The following MYO1D variants were observed in gnomAD, a reference collection of about 807,000 sequenced individuals.
The protein encoded by MYO1D is myosin ID.
In MYO1D, 83 loss-of-function variants were observed where a neutral mutation model predicts 122.0. The observed-to-expected ratio is 0.68, with a 90% confidence interval of 0.57 to 0.82. The LOEUF (loss-of-function observed/expected upper bound fraction) is 0.82, where lower values mean the gene tolerates loss of function less well. Among genes scored for constraint, MYO1D ranks in the 40% least tolerant of loss-of-function variants. The pLI, the probability that MYO1D is intolerant of heterozygous loss-of-function variation, is 0.00. For synonymous variants in MYO1D, 464 were observed against 446.9 expected (o/e 1.04, Z -0.48); for missense variants, 1,157 against 1,269.5 (o/e 0.91, Z 1.35).
chr17:32,697,091 G>C (rs2089182427), intron 16 of MYO1D, among the ~76,000 whole-genome samples: 1 of 152,162 alleles, frequency 6.6e-6, no homozygotes, highest in Non-Finnish European at 1.5e-5. Context: ...AGCCCACCTT[G>C]CAGTCACTGC....
chr17:32,602,311 C>T (rs1283419200), intron 21 of MYO1D, among the ~76,000 whole-genome samples: 1 of 152,058 alleles, frequency 6.6e-6, no homozygotes, highest in African/African-American at 2.4e-5. Context: ...ATTTGCATGC[C>T]CGTAATCTTT....
intron 21 of MYO1D, among the ~76,000 whole-genome samples, chr17:32,604,675 A>G (rs1339395944): frequency 6.6e-6 from 1 of 152,204 alleles, no homozygotes; most frequent in East Asian, 1.9e-4. Context: ...TGTAGTCTTC[A>G]TGGACTTGCA....
intron 21 of MYO1D, among the ~76,000 whole-genome samples, chr17:32,575,363 A>G (rs2087269296): frequency 6.6e-6 from 1 of 152,222 alleles, no homozygotes; most frequent in Non-Finnish European, 1.5e-5. Context: ...CTTACATTTG[A>G]TTTCTTTTGC....
rs2089140789 is a variant in MYO1D, at chr17:32,694,172, G to T, written c.2121+17816C>A. Among the ~76,000 whole-genome samples the T allele has an allele frequency of 2.0e-5, 3 of 152,124 alleles. No individual in the cohort carries two copies. In the South Asian group the frequency reaches 6.2e-4, roughly 32 times the overall value. ...AACGCTTCTTAGTTTCTTCATTACG[G>T]ACACCTTTTTGCTATACCTATTTTC... On this transcript the variant is annotated intron_variant, in intron 16 of 21. Transcript: ENST00000318217.
At chr17:32,538,709 A>G (rs773563301) in intron 21 of MYO1D, among the ~76,000 whole-genome samples, 3 of 152,174 alleles carry the variant, frequency 2.0e-5, no homozygotes, top group Non-Finnish European at 2.9e-5. Context: ...ATGACCATCA[A>G]TGATAGACCG....
chr17:32,696,520 T>C (rs1036584195), intron 16 of MYO1D, among the ~76,000 whole-genome samples: 42 of 152,240 alleles, frequency 2.8e-4, no homozygotes, highest in African/African-American at 9.9e-4. Flanking sequence ...TGGGAGTTTG[T>C]TGATCCAGGT....
rs780310925 is a variant in MYO1D, at chr17:32,494,846, G to A, written c.2934C>T (p.Thr978=). 8 of 1,613,912 alleles carry A rather than the reference G, an allele frequency of 5.0e-6. No homozygotes were observed. The highest frequency in any genetic ancestry group is 2.7e-5 in the African/African-American group (2 of 74,936). ...VQCSLHGKKC[T]VSVETRLNQP... ...GGTTGAGCCGCGTCTCCACGGAGACGGTGCACTTCTTCCCGTGCAGGCTGC... is the reference window on the plus strand; with the variant it reads ...GGTTGAGCCGCGTCTCCACGGAGACAGTGCACTTCTTCCCGTGCAGGCTGC... The change falls in exon 22 of 22, where the codon ACC becomes ACT. Residue 978 remains threonine (T), a synonymous_variant. Coordinates refer to ENST00000318217, the MANE Select transcript of MYO1D (RefSeq NM_015194.3).
At chr17:32,555,469 T>C (rs1200040381) in intron 21 of MYO1D, among the ~76,000 whole-genome samples, 1 of 152,190 alleles carries the variant, frequency 6.6e-6, no homozygotes, top group Admixed American at 6.5e-5. Flanking sequence ...TGTACTTGTG[T>C]ATATTTTCTA....
intron 20 of MYO1D, among the ~76,000 whole-genome samples, chr17:32,635,640 C>T (rs2088087606): frequency 6.6e-6 from 1 of 151,998 alleles, no homozygotes; most frequent in African/African-American, 2.4e-5. Flanking sequence ...TTGCAGTGAG[C>T]CGAGATGGCG....
At chr17:32,598,408 T>C (rs542102685) in intron 21 of MYO1D, among the ~76,000 whole-genome samples, 1 of 152,314 alleles carries the variant, frequency 6.6e-6, no homozygotes, top group East Asian at 1.9e-4. Flanking sequence ...TTTGACTTCA[T>C]TAGCATATCC....
intron 20 of MYO1D, among the ~76,000 whole-genome samples, chr17:32,630,747 G>A (rs1359328101): frequency 1.3e-5 from 2 of 151,862 alleles, no homozygotes; most frequent in Admixed American, 1.3e-4. Flanking sequence ...TATTTTTTTT[G>A]TATTTTTAGT....
chr17:32,770,928 T>C (rs563788546), intron 6 of MYO1D, among the ~76,000 whole-genome samples, 197 bp downstream of exon 6: 9 of 152,298 alleles, frequency 5.9e-5, no homozygotes, highest in Non-Finnish European at 1.2e-4. Context: ...TGATAAAATA[T>C]CATAATTGAT....
intron 21 of MYO1D, among the ~76,000 whole-genome samples, chr17:32,552,423 T>TCCATCCATCCATCCATCCATCCAC (rs2087025004): frequency 1.7e-5 from 2 of 116,208 alleles, no homozygotes; most frequent in Non-Finnish European, 3.5e-5. Context: ...CATCCACCCA[T>TCCATCCATCCATCCATCCATCCAC]CCATCCATCC....
chr17:32,711,112 T>G (rs1182427032), intron 16 of MYO1D, among the ~76,000 whole-genome samples: 2 of 152,138 alleles, frequency 1.3e-5, no homozygotes, highest in Non-Finnish European at 2.9e-5. Flanking sequence ...AGCTCTACAA[T>G]TTTTTGCATT....
intron 21 of MYO1D, among the ~76,000 whole-genome samples, chr17:32,594,812 G>A (rs1350687204): frequency 6.6e-6 from 1 of 152,144 alleles, no homozygotes; most frequent in Non-Finnish European, 1.5e-5. Flanking sequence ...TGGCTTGTGT[G>A]CACAGACTCT....
At chr17:32,819,198 G>C (rs1244585625) in intron 1 of MYO1D, among the ~76,000 whole-genome samples, 3 of 151,828 alleles carry the variant, frequency 2.0e-5, no homozygotes, top group Non-Finnish European at 4.4e-5. Flanking sequence ...TGTAGAAGTT[G>C]GTTTCAAGTT....
In MYO1D at chr17:32,725,744, A is replaced by G. The variant is rs554051699; in HGVS notation, c.1747-4555T>C. Among the ~76,000 whole-genome samples, 358 of 152,252 alleles carry G rather than the reference A, an allele frequency of 2.4e-3. 4 individuals carry two copies. Among genetic ancestry groups the G allele is most frequent in the African/African-American group, 7.3e-3 (304 of 41,568 alleles). On this transcript the variant is annotated intron_variant, in intron 14 of 21. Coordinates refer to ENST00000318217, the MANE Select transcript of MYO1D (RefSeq NM_015194.3). ...AACTTGCTAAAACTGATTAAAAAAA[A>G]GGGGAGCTACAAATGGAAGAGATTC...
chr17:32,570,899 T>C (rs2087220049), intron 21 of MYO1D, among the ~76,000 whole-genome samples: 1 of 152,164 alleles, frequency 6.6e-6, no homozygotes, highest in Non-Finnish European at 1.5e-5. Context: ...GATATGAATC[T>C]AAGTCACCAA....
chr17:32,658,876 C>T (rs2088513237), intron 17 of MYO1D: 2 of 528,778 alleles, frequency 3.8e-6, no homozygotes, highest in Non-Finnish European at 6.8e-6. Context: ...GGCTTGTGTC[C>T]AGGGGTTGTG....
Sources: gnomAD v4.1 joint callset for allele counts (sites outside exome capture counted in the v4.1 genomes callset) on GRCh38, gnomAD v4.1.1 for gene constraint, MANE v1.5 for transcripts, NCBI Gene and HGNC (gene_info 2026-07-23, HGNC 2026-07-21) for gene names.